Variants in OR1R1 observed in about 807,000 individuals in gnomAD.
The protein encoded by OR1R1 is olfactory receptor 1R1.
the OR1R1 span, chr17:3,386,805 T>C: frequency 1.8e-3 from 718 of 398,512 alleles, 8 homozygotes; most frequent in African/African-American, 0.013. Context: ...TCAACAGCCT[T>C]CGCAACAAAG....
At chr17:3,386,837 G>A in the OR1R1 span, 1 of 398,642 alleles carries the variant, frequency 2.5e-6, no homozygotes, top group Non-Finnish European at 4.4e-6. Context: ...GCCCTGAAAA[G>A]GGGGCTCAGA....
chr17:3,386,609 G>C, the OR1R1 span: 1 of 398,712 alleles, frequency 2.5e-6, no homozygotes, highest in Admixed American at 4.4e-5. Flanking sequence ...CGCGGTGCTC[G>C]GCTTGCCGGC....
chr17:3,386,452 C>A, the OR1R1 span: 4 of 398,272 alleles, frequency 1.0e-5, no homozygotes, highest in Admixed American at 1.8e-4. Context: ...CACCCCCGTG[C>A]GCCCCTTCTT....
the OR1R1 span, chr17:3,386,765 C>T: frequency 7.5e-6 from 3 of 398,554 alleles, no homozygotes; most frequent in African/African-American, 2.1e-5. Flanking sequence ...GTGGTCTACG[C>T]TGTCATCACG....
At chr17:3,386,016 GC>G in the OR1R1 span, 21 of 398,660 alleles carry the variant, frequency 5.3e-5, no homozygotes, top group African/African-American at 3.5e-4. Context: ...TGCTGTTCCT[GC>G]TCTGCCTTGG....
At chr17:3,386,470 A>T in the OR1R1 span, 1 of 398,108 alleles carries the variant, frequency 2.5e-6, no homozygotes, top group East Asian at 3.6e-5. Flanking sequence ...CTTTTGCGAC[A>T]TGACGGTGAT....
At chr17:3,385,996 G>A in the OR1R1 span, 1 of 373,334 alleles carries the variant, frequency 2.7e-6, no homozygotes, top group African/African-American at 2.3e-5. Context: ...CGGAACAGAC[G>A]CCCACCCGCT....
the OR1R1 span, chr17:3,386,301 G>T: frequency 1.9e-3 from 759 of 398,294 alleles, 7 homozygotes; most frequent in African/African-American, 0.013. Flanking sequence ...ACCGCCCGAC[G>T]GCGGCGTGCC....
the OR1R1 span, chr17:3,386,718 G>T: frequency 1.5e-5 from 6 of 398,604 alleles, no homozygotes; most frequent in Non-Finnish European, 2.7e-5. Context: ...TCCCGCCGTC[G>T]TCTGCCTACT....
the OR1R1 span, chr17:3,386,440 C>A: frequency 2.5e-6 from 1 of 398,336 alleles, no homozygotes. Flanking sequence ...CTACCCCTAC[C>A]CCACCCCCGT....
the OR1R1 span, chr17:3,386,364 G>A: frequency 8.0e-5 from 32 of 398,256 alleles, no homozygotes; most frequent in East Asian, 1.1e-3. Context: ...CCTCGCTGGT[G>A]CGTGCGTCGT....
At chr17:3,386,268 C>G in the OR1R1 span, 1 of 398,788 alleles carries the variant, frequency 2.5e-6, no homozygotes, top group Non-Finnish European at 4.4e-6. Context: ...CCGAGAGCTA[C>G]CTCCTGGCGG....
At chr17:3,386,172 G>A in the OR1R1 span, 2 of 398,888 alleles carry the variant, frequency 5.0e-6, no homozygotes, top group East Asian at 7.1e-5. Flanking sequence ...TCCCCAGGCT[G>A]CTGGCCGGCC....
At chr17:3,386,043 C>T in the OR1R1 span, 1 of 398,782 alleles carries the variant, frequency 2.5e-6, no homozygotes, top group East Asian at 3.6e-5. Context: ...ATCTGCTCAA[C>T]GCCCTGAGCA....
the OR1R1 span, chr17:3,386,329 G>A: frequency 2.5e-6 from 1 of 398,344 alleles, no homozygotes. Context: ...GCGCTACGGC[G>A]CGCTGGTGAC....
the OR1R1 span, chr17:3,386,635 T>C: frequency 2.5e-6 from 1 of 398,418 alleles, no homozygotes; most frequent in Admixed American, 4.4e-5. Flanking sequence ...GCGCCGCGCC[T>C]TCTCCACCTG....
At chr17:3,386,435 C>G in the OR1R1 span, 6 of 398,398 alleles carry the variant, frequency 1.5e-5, no homozygotes, top group Non-Finnish European at 2.7e-5. Context: ...CTCTCCTACC[C>G]CTACCCCACC....
chr17:3,386,825 G>A, the OR1R1 span: 1 of 398,606 alleles, frequency 2.5e-6, no homozygotes, highest in Non-Finnish European at 4.4e-6. Context: ...GAGGTCAAGG[G>A]CGCCCTGAAA....
At chr17:3,386,118 G>A in the OR1R1 span, 1 of 398,862 alleles carries the variant, frequency 2.5e-6, no homozygotes, top group African/African-American at 2.1e-5. Flanking sequence ...ATTACTTCTT[G>A]GGTCACCTGA....
Sources: allele counts gnomAD v4.1 joint callset, GRCh38; gene constraint gnomAD v4.1.1; transcripts MANE v1.5; gene names NCBI Gene and HGNC (gene_info 2026-07-23, HGNC 2026-07-21).